Variants in LHFPL3 observed in about 807,000 individuals in gnomAD.
LHFPL3 encodes the protein LHFPL tetraspan subfamily member 3 protein.
In LHFPL3, 5 loss-of-function variants were observed where a neutral mutation model predicts 19.3. The observed-to-expected ratio is 0.26, with a 90% CI of 0.14 to 0.54. The LOEUF (loss-of-function observed/expected upper bound fraction) is 0.54. Ranked by LOEUF, LHFPL3 falls within the 20% of genes least tolerant of loss-of-function variation. The probability of loss-of-function intolerance (pLI) is 0.94; values close to 1 mark genes in which losing one functional copy is unlikely to be tolerated. For missense variants in LHFPL3, 249 were observed against 307.4 expected, an observed-to-expected ratio of 0.81 and a Z score of 1.42; for synonymous variants, 133 against 126.2, an observed-to-expected ratio of 1.05 and a Z score of -0.36.
At chr7:104,603,940 T>C (rs933321231) in intron 1 of LHFPL3, among the ~76,000 whole-genome samples, 3 of 152,040 alleles carry the variant, frequency 2.0e-5, no homozygotes, top group African/African-American at 7.2e-5. Context: ...TAGGTTGGAG[T>C]TTCATGCCTG....
intron 1 of LHFPL3, among the ~76,000 whole-genome samples, chr7:104,578,144 G>A (rs138791953): frequency 5.9e-5 from 9 of 152,294 alleles, no homozygotes; most frequent in African/African-American, 2.2e-4. Flanking sequence ...GTTATAGGCA[G>A]TTAGCTTTTC....
At chr7:104,841,493 G>GGTGTGT (rs66894221) in intron 2 of LHFPL3, among the ~76,000 whole-genome samples, 22 of 140,836 alleles carry the variant, frequency 1.6e-4, no homozygotes, top group East Asian at 4.2e-4. Context: ...CATTATGTGG[G>GGTGTGT]GTGTGTGTGT....
chr7:104,590,140 C>A (rs760188402), intron 1 of LHFPL3, among the ~76,000 whole-genome samples: 26 of 152,086 alleles, frequency 1.7e-4, no homozygotes, highest in Middle Eastern at 6.3e-3. Flanking sequence ...TTAGTTATTT[C>A]TTGCCTTCTG....
chr7:104,859,661 C>T (rs1047720904), intron 2 of LHFPL3, among the ~76,000 whole-genome samples: 2 of 151,924 alleles, frequency 1.3e-5, no homozygotes. Context: ...AGAGGAAGAC[C>T]CCATCTCAAA....
intron 1 of LHFPL3, among the ~76,000 whole-genome samples, chr7:104,730,300 G>T (rs1489115152): frequency 1.3e-5 from 2 of 152,166 alleles, no homozygotes; most frequent in Non-Finnish European, 2.9e-5. Flanking sequence ...TCTAGTTCTA[G>T]ATCCCTGAGG....
chr7:104,734,219 G>A (rs187307646), intron 1 of LHFPL3, among the ~76,000 whole-genome samples: 1 of 152,258 alleles, frequency 6.6e-6, no homozygotes, highest in African/African-American at 2.4e-5. Context: ...CTCTCAGGGA[G>A]TATCTTTGTG....
chr7:104,591,371 T>A (rs969929252), intron 1 of LHFPL3, among the ~76,000 whole-genome samples: 7 of 152,234 alleles, frequency 4.6e-5, no homozygotes, highest in African/African-American at 7.2e-5. Context: ...CCTTCACTTA[T>A]GAAGCTTAGT....
chr7:104,330,854 A>C (rs1241810480), intron 1 of LHFPL3, among the ~76,000 whole-genome samples: 1 of 152,148 alleles, frequency 6.6e-6, no homozygotes, highest in Non-Finnish European at 1.5e-5. Flanking sequence ...CTTGACACTT[A>C]GCTCTGGTTT....
At chr7:104,698,809 G>A (rs1385251039) in intron 1 of LHFPL3, among the ~76,000 whole-genome samples, 1 of 152,124 alleles carries the variant, frequency 6.6e-6, no homozygotes, top group Non-Finnish European at 1.5e-5. Context: ...TCTGATAAGG[G>A]ATTAATAGCC....
chr7:104,510,730 G>T lies in LHFPL3; in HGVS notation c.445+181506G>T, dbSNP rs74860321. Among the ~76,000 whole-genome samples, 477 of 152,290 alleles carry T rather than the reference G, an allele frequency of 3.1e-3. 1 individual carries two copies. The highest frequency in any genetic ancestry group is 5.1e-3 in the Non-Finnish European group (345 of 68,012). On this transcript the variant is annotated intron_variant, in intron 1 of 2. Transcript: ENST00000424859. ...AAACTCTTGCTCTGTGAAAGACCCT[G>T]TTGAGAGAATTAAAGTATAAGCTAC...
intron 1 of LHFPL3, among the ~76,000 whole-genome samples, chr7:104,565,444 A>G (rs150101603): frequency 2.6e-5 from 4 of 152,366 alleles, no homozygotes; most frequent in African/African-American, 9.6e-5. Context: ...TCTATTAGTT[A>G]AATTGGTCAA....
intron 1 of LHFPL3, among the ~76,000 whole-genome samples, chr7:104,521,215 C>T (rs1794052574): frequency 6.6e-6 from 1 of 152,144 alleles, no homozygotes; most frequent in African/African-American, 2.4e-5. Context: ...ACCCAGTATT[C>T]ATTCAGGAGC....
intron 1 of LHFPL3, among the ~76,000 whole-genome samples, chr7:104,616,738 T>G (rs1791351099): frequency 6.6e-6 from 1 of 152,124 alleles, no homozygotes; most frequent in African/African-American, 2.4e-5. Context: ...ATTCTGTAGG[T>G]TGGCAATCTA....
At chr7:104,767,403 G>C (rs996321474) in intron 2 of LHFPL3, among the ~76,000 whole-genome samples, 4 of 152,158 alleles carry the variant, frequency 2.6e-5, no homozygotes, top group Non-Finnish European at 5.9e-5. Context: ...AAAATTCAGG[G>C]AACAGCCAGA....
chr7:104,878,814 G>T (rs561063769), intron 2 of LHFPL3, among the ~76,000 whole-genome samples: 237 of 152,310 alleles, frequency 1.6e-3, no homozygotes, highest in Middle Eastern at 3.4e-3. Flanking sequence ...GAAATGGAAA[G>T]TGCTACTCCA....
At chr7:104,874,865 T>C (rs76681355) in intron 2 of LHFPL3, among the ~76,000 whole-genome samples, 3,362 of 151,966 alleles carry the variant, frequency 0.022, 122 homozygotes, top group African/African-American at 0.077. Flanking sequence ...CCTTTTTTTT[T>C]TTTAAGGGGC....
chr7:104,683,075 C>G (rs1244148862), intron 1 of LHFPL3, among the ~76,000 whole-genome samples: 1 of 152,172 alleles, frequency 6.6e-6, no homozygotes, highest in Non-Finnish European at 1.5e-5. Flanking sequence ...CTGCAACCTC[C>G]ACCTCCCGGG....
At chr7:104,693,843 G>C (rs1457161872) in intron 1 of LHFPL3, among the ~76,000 whole-genome samples, 1 of 150,762 alleles carries the variant, frequency 6.6e-6, no homozygotes, top group South Asian at 2.1e-4. Context: ...ATGTTAGCCA[G>C]GATGGTCTCG....
At chr7:104,902,870 A>AG (rs1792518434) in intron 2 of LHFPL3, among the ~76,000 whole-genome samples, 1 of 152,214 alleles carries the variant, frequency 6.6e-6, no homozygotes, top group African/African-American at 2.4e-5. Flanking sequence ...CCAAGACCAG[A>AG]GCAGATTCAA....
Sources: allele counts gnomAD v4.1 joint callset (sites outside exome capture counted in the v4.1 genomes callset), GRCh38; gene constraint gnomAD v4.1.1; transcripts MANE v1.5; gene names NCBI Gene and HGNC (gene_info 2026-07-23, HGNC 2026-07-21).